Variants in PFKP observed in about 807,000 individuals in gnomAD.
The protein encoded by PFKP is ATP-dependent 6-phosphofructokinase, platelet type.
Under a neutral mutation model 94.3 loss-of-function variants are expected in PFKP, and 101 were observed. That is an observed-to-expected ratio of 1.07 (90% CI 0.91 to 1.26). The LOEUF (loss-of-function observed/expected upper bound fraction) is 1.26, where lower values mean the gene tolerates loss of function less well. Ranked by LOEUF, PFKP falls within the 50% of genes most tolerant of loss-of-function variation. PFKP has a pLI of 0.00. For missense variants in PFKP, 1,145 were observed against 1,103.3 expected, an observed-to-expected ratio of 1.04 and a Z score of -0.53; for synonymous variants, 573 against 432.6, an observed-to-expected ratio of 1.32 and a Z score of -4.03.
At chr10:3,070,785 T>A (rs1832122492) in intron 1 of PFKP, among the ~76,000 whole-genome samples, 1 of 151,972 alleles carries the variant, frequency 6.6e-6, no homozygotes, top group Non-Finnish European at 1.5e-5. Context: ...CAGGCCAGAG[T>A]GTAGTGGTGC....
intron 16 of PFKP, among the ~76,000 whole-genome samples, chr10:3,124,250 A>T (rs1837708567): frequency 6.6e-6 from 1 of 152,174 alleles, no homozygotes; most frequent in South Asian, 2.1e-4. Context: ...CACGTCCAAG[A>T]CCATAAATAG....
chr10:3,070,559 A>G (rs1310658110), intron 1 of PFKP, among the ~76,000 whole-genome samples: 1 of 152,208 alleles, frequency 6.6e-6, no homozygotes, highest in Non-Finnish European at 1.5e-5. Context: ...TTTGTATTCT[A>G]AGAGCTTTAC....
chr10:3,104,971 T>C (rs1835391304), intron 5 of PFKP, 144 bp from the exon 6 acceptor site: 1 of 746,056 alleles, frequency 1.3e-6, no homozygotes, highest in Non-Finnish European at 2.4e-6. Context: ...TTTTGAAGCC[T>C]AGGTCCCTGC....
At chr10:3,133,465 C>T (rs893134841) in intron 19 of PFKP, 151 bp downstream of exon 19, 2 of 630,736 alleles carry the variant, frequency 3.2e-6, no homozygotes. Context: ...GAGTCTTGCT[C>T]TGTTGCCCAG....
intron 2 of PFKP, among the ~76,000 whole-genome samples, chr10:3,097,778 G>GC (rs1834607420): frequency 6.6e-6 from 1 of 152,234 alleles, no homozygotes; most frequent in Admixed American, 6.5e-5. Context: ...GCCCAGGCAG[G>GC]CAGATCACTT....
Position 3,079,729 on chromosome 10 carries a change from C to T in PFKP, c.113-2659C>T, listed in dbSNP as rs533001292. 5.0e-4 allele frequency among the ~76,000 whole-genome samples: 75 copies of T among 148,954 alleles called. No homozygotes were observed. In the South Asian group the frequency reaches 0.016, roughly 31 times the overall value. ...GGGTCTTAGTTGTGCTCCTGCATCA[C>T]CTGCTTCCTAGTGTTGGCACGGGCT... On this transcript the variant is annotated intron_variant, in intron 1 of 21. Transcript: ENST00000381125.
chr10:3,111,174 G>T (rs777976220), intron 10 of PFKP, among the ~76,000 whole-genome samples: 16 of 152,162 alleles, frequency 1.1e-4, no homozygotes, highest in Non-Finnish European at 2.4e-4. Context: ...ATGGATGTGT[G>T]TGTATGTTTG....
At chr10:3,091,100 A>G (rs909962048) in intron 2 of PFKP, among the ~76,000 whole-genome samples, 1 of 152,006 alleles carries the variant, frequency 6.6e-6, no homozygotes, top group African/African-American at 2.4e-5. Context: ...AACCTGGGCC[A>G]AGCCTACGTG....
At chr10:3,093,498 C>T (rs902535280) in intron 2 of PFKP, among the ~76,000 whole-genome samples, 9 of 152,196 alleles carry the variant, frequency 5.9e-5, no homozygotes, top group African/African-American at 9.6e-5. Context: ...AACACGCGTG[C>T]GTGCTCACCG....
At chr10:3,077,305 A>G (rs900045597) in intron 1 of PFKP, among the ~76,000 whole-genome samples, 2 of 121,428 alleles carry the variant, frequency 1.6e-5, no homozygotes, top group Non-Finnish European at 3.2e-5. Context: ...CTCTGTCACC[A>G]GGCTGGAGTG....
At chr10:3,083,172 TAC>T (rs1182037506) in intron 2 of PFKP, among the ~76,000 whole-genome samples, 5 of 152,238 alleles carry the variant, frequency 3.3e-5, no homozygotes, top group Non-Finnish European at 5.9e-5. Flanking sequence ...TGAATTTGAA[TAC>T]ACATTTAGGG....
chr10:3,108,295 T>C (rs189966206), intron 8 of PFKP, among the ~76,000 whole-genome samples: 1 of 152,344 alleles, frequency 6.6e-6, no homozygotes, highest in East Asian at 1.9e-4. Context: ...AACGCCTTGA[T>C]TGGGCTGGCT....
intron 16 of PFKP, 76 bp from the exon 17 acceptor site, chr10:3,129,743 A>G: frequency 2.7e-6 from 4 of 1,508,678 alleles, no homozygotes; most frequent in Non-Finnish European, 3.6e-6. Flanking sequence ...TGCTGCACTC[A>G]CTCTTGGGGG....
chr10:3,077,261 C>CTTTTTTTTTTTTTTTTTTTTTT (rs34485324), intron 1 of PFKP, among the ~76,000 whole-genome samples: 13 of 84,238 alleles, frequency 1.5e-4, no homozygotes, highest in African/African-American at 2.0e-4. Context: ...TTTTTTTTTT[C>CTTTTTTTTTTTTTTTTTTTTTT]TTTTTTTTTT....
At chr10:3,133,430 A>C in intron 19 of PFKP, 116 bp downstream of exon 19, 1 of 746,038 alleles carries the variant, frequency 1.3e-6, no homozygotes, top group Non-Finnish European at 2.4e-6. Flanking sequence ...CAAGATGATA[A>C]AAAACATCTG....
intron 16 of PFKP, among the ~76,000 whole-genome samples, chr10:3,120,735 C>T (rs904720179): frequency 4.6e-5 from 7 of 152,120 alleles, no homozygotes; most frequent in Non-Finnish European, 1.0e-4. Flanking sequence ...TCTCAGCTCA[C>T]TGCAGCCTCG....
chr10:3,079,672 G>GGGGGGGGGGGA (rs1832890430), intron 1 of PFKP, among the ~76,000 whole-genome samples: 2 of 111,474 alleles, frequency 1.8e-5, no homozygotes. Flanking sequence ...TGGGGGGGGG[G>GGGGGGGGGGGA]GGAAGAGGAG....
intron 2 of PFKP, among the ~76,000 whole-genome samples, chr10:3,094,538 G>A (rs911624284): frequency 6.6e-6 from 1 of 152,180 alleles, no homozygotes; most frequent in Non-Finnish European, 1.5e-5. Context: ...CGTTCCTTCA[G>A]AGTGTTGGTG....
chr10:3,125,429 C>G (rs1490386713), intron 16 of PFKP, among the ~76,000 whole-genome samples: 1 of 152,170 alleles, frequency 6.6e-6, no homozygotes, highest in Non-Finnish European at 1.5e-5. Flanking sequence ...TTAGGGAGAG[C>G]CTGTCTTTAT....
Sources: gnomAD v4.1 joint callset for allele counts (sites outside exome capture counted in the v4.1 genomes callset) on GRCh38, gnomAD v4.1.1 for gene constraint, MANE v1.5 for transcripts, NCBI Gene and HGNC (gene_info 2026-07-23, HGNC 2026-07-21) for gene names.